IL34: variants seen among roughly 807,000 people sequenced by gnomAD.
IL34 encodes interleukin 34.
IL34 carries 17 observed loss-of-function variants against 25.3 expected under a neutral mutation model. The observed-to-expected ratio is 0.67, with a 90% CI of 0.46 to 1.01. IL34 has a LOEUF of 1.01. Ranked by LOEUF, IL34 falls within the 50% of genes least tolerant of loss-of-function variation. The pLI is 0.00. For missense variants in IL34, 368 were observed against 312.9 expected (o/e 1.18, Z -1.33); for synonymous variants, 174 against 140.9 (o/e 1.23, Z -1.66).
At chr16:70,603,068 T>C (rs1424083763) in intron 1 of IL34, among the ~76,000 whole-genome samples, 2 of 152,024 alleles carry the variant, frequency 1.3e-5, no homozygotes, top group African/African-American at 2.4e-5. Flanking sequence ...GCATCTCCTA[T>C]GTGGCCACCA....
intron 1 of IL34, among the ~76,000 whole-genome samples, chr16:70,608,119 CTTTTTTCTTT>C (rs1372300144): frequency 1.9e-4 from 13 of 68,758 alleles, no homozygotes; most frequent in African/African-American, 6.5e-4. Context: ...GATTGATTTT[CTTTTTTCTTT>C]TTTTTTTTTT....
intron 1 of IL34, among the ~76,000 whole-genome samples, chr16:70,595,176 G>T (rs1041034993): frequency 6.6e-6 from 1 of 152,084 alleles, no homozygotes; most frequent in Non-Finnish European, 1.5e-5. Flanking sequence ...GGCCAGGCTG[G>T]TCTGGAACTC....
intron 1 of IL34, among the ~76,000 whole-genome samples, chr16:70,586,299 C>G (rs572742718): frequency 6.6e-6 from 1 of 152,306 alleles, no homozygotes; most frequent in African/African-American, 2.4e-5. Flanking sequence ...CAAGGCCTGG[C>G]CTGGTGGCTC....
chr16:70,645,802 C>G (rs555099082), upstream of IL34, among the ~76,000 whole-genome samples: 1 of 152,230 alleles, frequency 6.6e-6, no homozygotes, highest in African/African-American at 2.4e-5. Flanking sequence ...GCCTGTAATC[C>G]CAGCACTTTG....
At position 70,620,457 on chromosome 16, in the gene IL34, T is replaced by TTAA. The variant is rs201404910; in HGVS notation, c.-400-26091_-400-26090insTAA. Among the ~76,000 whole-genome samples, 556 of 149,636 alleles carry TTAA rather than the reference T, an allele frequency of 3.7e-3. 7 individuals are homozygous for TTAA. Among genetic ancestry groups the TTAA allele is most frequent in the Middle Eastern group, 0.024 (7 of 294 alleles). ...GTGAGGAGGGGAGGTGATAAAAAGA[T>TTAA]AGGGTGGAGGAGCGGAGGCTGAGGA... On this transcript the variant is annotated intron_variant, in intron 1 of 6. Coordinates refer to the IL34 transcript ENST00000429149.
chr16:70,607,183 G>A (rs1386670984), intron 1 of IL34, among the ~76,000 whole-genome samples: 2 of 152,016 alleles, frequency 1.3e-5, no homozygotes, highest in African/African-American at 4.8e-5. Context: ...CTCACTGCAA[G>A]CTCTACCTCC....
At chr16:70,616,664 G>A (rs1357807278) in intron 1 of IL34, among the ~76,000 whole-genome samples, 2 of 152,116 alleles carry the variant, frequency 1.3e-5, no homozygotes, top group African/African-American at 2.4e-5. Context: ...AATGTTTTGC[G>A]GGCAGGGGTG....
intron 1 of IL34, among the ~76,000 whole-genome samples, chr16:70,603,752 A>T (rs2050956295): frequency 6.6e-6 from 1 of 151,340 alleles, no homozygotes; most frequent in Admixed American, 6.6e-5. Context: ...GATAATTTTT[A>T]AATTTTTTCT....
chr16:70,657,065 T>C lies in IL34; in HGVS notation c.346T>C (p.Trp116Arg), dbSNP rs780334521. ...CGTGCTGCTCGAGGGCCACCCATCCTGGAAGTACCTGCAGGAGGTGGAGAC... is the reference window on the plus strand; with the variant it reads ...CGTGCTGCTCGAGGGCCACCCATCCCGGAAGTACCTGCAGGAGGTGGAGAC... ...QDVLLEGHPS[W>R]KYLQEVETLL... Residue 116 changes from tryptophan to arginine, a missense_variant, in exon 4 of 6, where the codon TGG (tryptophan) becomes CGG (arginine). By Grantham distance (101) the Trp-to-Arg change is moderately radical. Coordinates refer to ENST00000288098, the MANE Select transcript of IL34 (RefSeq NM_001393494.1). The C allele has an allele frequency of 2.5e-6, 4 of 1,613,086 alleles. No homozygotes were observed. Among genetic ancestry groups the C allele is most frequent in the Non-Finnish European group, 2.5e-6 (3 of 1,179,964 alleles).
intron 1 of IL34, among the ~76,000 whole-genome samples, chr16:70,634,308 A>G (rs1304342352): frequency 6.6e-6 from 1 of 152,162 alleles, no homozygotes; most frequent in Non-Finnish European, 1.5e-5. Context: ...GGCAGGCAGC[A>G]CTGTTCAACC....
chr16:70,591,115 A>G (rs2050749446), intron 1 of IL34, among the ~76,000 whole-genome samples: 1 of 152,214 alleles, frequency 6.6e-6, no homozygotes, highest in Non-Finnish European at 1.5e-5. Flanking sequence ...TTCTCCTGCC[A>G]TTCAACGAGA....
In IL34 at chr16:70,654,584, G is replaced by C. The variant is rs767840379; in HGVS notation, c.75G>C (p.Glu25Asp). 7.4e-6 allele frequency: 12 copies of C among 1,613,736 alleles called. No homozygotes were observed. The highest frequency in any genetic ancestry group is 1.0e-5 in the Non-Finnish European group (12 of 1,179,720). The change falls in exon 2 of 6, where the codon GAG becomes GAC. Residue 25 changes from glutamate (E) to aspartate (D), a missense_variant. Transcript: ENST00000288098. The stretch of plus-strand genomic sequence containing the variant: ...TGGCCTTGGGGAATGAGCCTTTGGA[G>C]ATGTGGCCCTTGACGCAGAATGAGG... Reference protein sequence around the residue: ...LGVALGNEPLEMWPLTQNEEC... With the variant: ...LGVALGNEPLDMWPLTQNEEC...
upstream of IL34, among the ~76,000 whole-genome samples, chr16:70,644,823 GGAGGAAGGAGGAA>G (rs939784467): frequency 6.8e-6 from 1 of 147,488 alleles, no homozygotes; most frequent in East Asian, 2.0e-4. Flanking sequence ...GAGGAAGGGA[GGAGGAAGGAGGAA>G]GAGGAAGGAG....
At chr16:70,650,600 T>C (rs2151875804) in intron 1 of IL34, among the ~76,000 whole-genome samples, 2 of 152,314 alleles carry the variant, frequency 1.3e-5, no homozygotes, top group Admixed American at 1.3e-4. Flanking sequence ...GTACTGATTT[T>C]TTTAAAGAAA....
At chr16:70,644,535 G>C (rs1303408576), upstream of IL34, among the ~76,000 whole-genome samples, 1 of 152,062 alleles carries the variant, frequency 6.6e-6, no homozygotes, top group Non-Finnish European at 1.5e-5. Flanking sequence ...CTATAAATGT[G>C]CTAAAAACTT....
chr16:70,644,646 A>G (rs1181092678), upstream of IL34, among the ~76,000 whole-genome samples: 1 of 146,802 alleles, frequency 6.8e-6, no homozygotes, highest in Non-Finnish European at 1.5e-5. Context: ...AATGTTCTAG[A>G]TACGTTAGTG....
At chr16:70,621,280 G>A (rs1038809645) in intron 1 of IL34, among the ~76,000 whole-genome samples, 1 of 152,150 alleles carries the variant, frequency 6.6e-6, no homozygotes, top group African/African-American at 2.4e-5. Flanking sequence ...CCAAGGGAAG[G>A]CTGCCTTCCC....
intron 1 of IL34, among the ~76,000 whole-genome samples, chr16:70,621,014 GCACGGAAATAAGGGATTGAGA>G (rs1379406625): frequency 6.6e-6 from 1 of 152,134 alleles, no homozygotes; most frequent in African/African-American, 2.4e-5. Flanking sequence ...AGGGGTTGGG[GCACGGAAATAAGGGATTGAGA>G]CACAGAGATA....
At chr16:70,581,872 T>C (rs1376514960) in intron 1 of IL34, among the ~76,000 whole-genome samples, 1 of 152,166 alleles carries the variant, frequency 6.6e-6, no homozygotes, top group Non-Finnish European at 1.5e-5. Flanking sequence ...TGCTTGAGCC[T>C]GGGATTTCGA....
Sources: gnomAD v4.1 joint callset for allele counts (sites outside exome capture counted in the v4.1 genomes callset) on GRCh38, gnomAD v4.1.1 for gene constraint, MANE v1.5 for transcripts, NCBI Gene and HGNC (gene_info 2026-07-23, HGNC 2026-07-21) for gene names.